Variants in C2orf78 observed in about 807,000 individuals in gnomAD.
C2orf78 encodes the protein uncharacterized protein C2orf78.
Under a neutral mutation model 21.4 loss-of-function variants are expected in C2orf78, and 12 were observed. The observed-to-expected ratio is 0.56, with a 90% CI of 0.36 to 0.91. The LOEUF (loss-of-function observed/expected upper bound fraction) is 0.91. C2orf78 is among the 40% of genes least tolerant of loss of function. C2orf78 has a pLI of 0.01. For synonymous variants in C2orf78, 396 were observed against 413.9 expected (o/e 0.96, Z 0.52); for missense variants, 1,042 against 1,092.4 (o/e 0.95, Z 0.65).
intron 1 of C2orf78, 75 bp downstream of exon 1, chr2:73,784,481 A>T (rs1245036792): frequency 7.2e-6 from 4 of 555,666 alleles, no homozygotes; most frequent in Non-Finnish European, 1.3e-5. Context: ...TTCCCCCTAT[A>T]TTCCCAAACA....
At chr2:73,786,148 C>T (rs745989444) in intron 1 of C2orf78, among the ~76,000 whole-genome samples, 9 of 151,902 alleles carry the variant, frequency 5.9e-5, no homozygotes, top group South Asian at 2.1e-4. Context: ...GCAAGGCTGA[C>T]GCAGGCGGAT....
At chr2:73,784,860 G>A (rs1463628867) in intron 1 of C2orf78, among the ~76,000 whole-genome samples, 1 of 151,356 alleles carries the variant, frequency 6.6e-6, no homozygotes, top group Non-Finnish European at 1.5e-5. Context: ...GTGATGTTTA[G>A]TGATGTTTTA....
At chr2:73,814,987 G>T in intron 2 of C2orf78, 84 bp from the exon 3 acceptor site, 1 of 1,358,934 alleles carries the variant, frequency 7.4e-7, no homozygotes, top group Non-Finnish European at 1.0e-6. Flanking sequence ...TGCCCATGTT[G>T]GAAAGGTATC....
rs951794213 is a variant in C2orf78, at chr2:73,784,407, G to A, written c.97+1G>A. 5 of 982,192 alleles carry A rather than the reference G, an allele frequency of 5.1e-6. No individual in the cohort carries two copies. Among genetic ancestry groups the A allele is most frequent in the African/African-American group, 5.1e-5 (3 of 58,956 alleles). 60.8% of individuals were successfully genotyped at this position (982,192 alleles called of 1,614,324 possible). A position where few individuals can be genotyped will look rare whatever the true frequency, so the allele number is the denominator to read the frequency against. On this transcript the variant is annotated splice_donor_variant, in intron 1 of 2. Transcript: ENST00000409561. LOFTEE classifies it high-confidence loss of function. ...GTTTCTTCTTCTCTGACCATGTCAG[G>A]TAAAGAGAGAAACTTTTTAAAAAGG... is the stretch of plus-strand genomic sequence containing the variant.
At chr2:73,811,422 A>G (rs1480037185) in intron 1 of C2orf78, among the ~76,000 whole-genome samples, 1 of 152,220 alleles carries the variant, frequency 6.6e-6, no homozygotes, top group Non-Finnish European at 1.5e-5. Context: ...TCTCCTATTA[A>G]CAATAAAATT....
chr2:73,814,831 C>T (rs906441357), intron 2 of C2orf78, among the ~76,000 whole-genome samples: 31 of 152,158 alleles, frequency 2.0e-4, no homozygotes, highest in African/African-American at 7.2e-4. Context: ...ATCACTTTCA[C>T]TTTTTGATCT....
At chr2:73,814,941 G>A in intron 2 of C2orf78, 130 bp from the exon 3 acceptor site, 1 of 782,384 alleles carries the variant, frequency 1.3e-6, no homozygotes, top group South Asian at 1.9e-5. Flanking sequence ...ACAGGGTCTT[G>A]CCCATGGTCC....
At chr2:73,813,598 A>T in exon 2 of C2orf78, 1 of 1,614,068 alleles carries the variant, frequency 6.2e-7, no homozygotes, top group Non-Finnish European at 8.5e-7. Flanking sequence ...CCTCTGCTCC[A>T]GCCATCAGCT....
intron 1 of C2orf78, among the ~76,000 whole-genome samples, chr2:73,809,177 AAAGGGT>A (rs1673021231): frequency 1.3e-5 from 2 of 152,112 alleles, no homozygotes; most frequent in Non-Finnish European, 2.9e-5. Context: ...ACTGAGTCTT[AAAGGGT>A]ATACGTATAG....
At chr2:73,809,022 C>G in intron 1 of C2orf78, 2 of 622,722 alleles carry the variant, frequency 3.2e-6, no homozygotes, top group Non-Finnish European at 5.4e-6. Context: ...AAGTAGAAAT[C>G]CAGAGACCTC....
chr2:73,814,553 G>A (rs1673154298), intron 2 of C2orf78, among the ~76,000 whole-genome samples: 1 of 152,100 alleles, frequency 6.6e-6, no homozygotes. Flanking sequence ...TAGTCTCTTT[G>A]GAAGGCACTT....
exon 3 of C2orf78, chr2:73,815,215 T>C: frequency 6.2e-7 from 1 of 1,614,000 alleles, no homozygotes; most frequent in Non-Finnish European, 8.5e-7. Context: ...TCACCTGAGC[T>C]TGGGGACATT....
chr2:73,785,633 A>G (rs1672910606), intron 1 of C2orf78, among the ~76,000 whole-genome samples: 1 of 152,140 alleles, frequency 6.6e-6, no homozygotes, highest in Non-Finnish European at 1.5e-5. Flanking sequence ...GGAAGGAAAC[A>G]GGCTACATTA....
chr2:73,808,114 T>G (rs1672995364), intron 1 of C2orf78, among the ~76,000 whole-genome samples: 1 of 150,768 alleles, frequency 6.6e-6, no homozygotes, highest in Non-Finnish European at 1.5e-5. Flanking sequence ...ATTAGCCGGC[T>G]GAAGTGGCAG....
intron 2 of C2orf78, 83 bp from the exon 3 acceptor site, chr2:73,814,988 G>A: frequency 7.3e-7 from 1 of 1,375,908 alleles, no homozygotes. Context: ...GCCCATGTTG[G>A]AAAGGTATCC....
At position 73,816,101 on chromosome 2, in the gene C2orf78, AG is replaced by A; in HGVS notation, c.1880del (p.Gly627AlafsTer5). 1 of 1,613,942 alleles carries A rather than the reference AG, an allele frequency of 6.2e-7. No homozygotes were observed. The highest frequency in any genetic ancestry group is 1.1e-5 in the South Asian group (1 of 91,082). The stretch of plus-strand genomic sequence containing the variant: ...CCCTTAAAAAGCCCCGAAGCTCCCT[AG>A]GCATGCACATGCTAGAGTCCGTGCA... On this transcript the variant is annotated frameshift_variant, in exon 3 of 3. Coordinates refer to ENST00000409561, the Ensembl canonical transcript of C2orf78. LOFTEE classifies it low-confidence loss of function (END_TRUNC).
intron 1 of C2orf78, among the ~76,000 whole-genome samples, chr2:73,810,414 C>G (rs550742154): frequency 2.1e-4 from 32 of 151,416 alleles, no homozygotes; most frequent in African/African-American, 7.5e-4. Context: ...GTAATCCCAG[C>G]TACTTGGGAG....
exon 2 of C2orf78, chr2:73,813,567 G>A: frequency 1.9e-6 from 3 of 1,613,998 alleles, no homozygotes; most frequent in Non-Finnish European, 2.5e-6. Flanking sequence ...TTAACAGGAA[G>A]CATCTCCAAC....
intron 1 of C2orf78, among the ~76,000 whole-genome samples, chr2:73,798,423 C>G (rs1672961829): frequency 2.9e-5 from 1 of 34,942 alleles, no homozygotes; most frequent in Admixed American, 2.3e-4. Context: ...CCACTGCACT[C>G]CAGCCTGGGT....
Sources: allele counts gnomAD v4.1 joint callset (sites outside exome capture counted in the v4.1 genomes callset), GRCh38; gene constraint gnomAD v4.1.1; transcripts MANE v1.5; gene names NCBI Gene and HGNC (gene_info 2026-07-23, HGNC 2026-07-21).